The following SUSD6 variants were observed in gnomAD, a reference collection of about 807,000 sequenced individuals.
The protein encoded by SUSD6 is sushi domain-containing protein 6.
A neutral mutation model predicts 28.4 loss-of-function variants in SUSD6; 16 were observed. The observed-to-expected ratio is 0.56, with a 90% CI of 0.38 to 0.86. The LOEUF (loss-of-function observed/expected upper bound fraction) is 0.86, where lower values mean the gene tolerates loss of function less well. Ranked by LOEUF, SUSD6 falls within the 40% of genes least tolerant of loss-of-function variation. The pLI, the probability that SUSD6 is intolerant of heterozygous loss-of-function variation, is 0.00. For synonymous variants in SUSD6, 147 were observed against 159.6 expected, an observed-to-expected ratio of 0.92 and a Z score of 0.59; for missense variants, 341 against 384.2, an observed-to-expected ratio of 0.89 and a Z score of 0.94.
In SUSD6 at chr14:69,640,396, C is replaced by T. The variant is rs546616021; in HGVS notation, c.-80-18117C>T. 5.2e-4 allele frequency among the ~76,000 whole-genome samples: 79 copies of T among 152,142 alleles called. 1 individual carries two copies. In the East Asian group the frequency reaches 7.9e-3, roughly 15 times the overall value. ...TTGCCCAGGTTGGAGTGCAGTAGCA[C>T]AATCATAGCTTACTGTAACCTCGAA... is the stretch of plus-strand genomic sequence containing the variant. On this transcript the variant is annotated intron_variant, in intron 1 of 5. Coordinates refer to ENST00000342745, the MANE Select transcript of SUSD6 (RefSeq NM_014734.4).
At chr14:69,650,589 A>G (rs1209514789) in intron 1 of SUSD6, among the ~76,000 whole-genome samples, 1 of 152,202 alleles carries the variant, frequency 6.6e-6, no homozygotes, top group Non-Finnish European at 1.5e-5. Context: ...TCCTACCTTC[A>G]GGTCAGGAAC....
intron 1 of SUSD6, among the ~76,000 whole-genome samples, chr14:69,650,818 C>T (rs774113420): frequency 3.3e-5 from 5 of 152,026 alleles, no homozygotes; most frequent in African/African-American, 4.8e-5. Context: ...ACACTGTGTA[C>T]GGATAGTCCA....
In SUSD6 at chr14:69,623,036, G is replaced by A. The variant is rs1478215850; in HGVS notation, c.-81+11208G>A. On this transcript the variant is annotated intron_variant, in intron 1 of 5. Coordinates refer to ENST00000342745, the MANE Select transcript of SUSD6 (RefSeq NM_014734.4). ...GTAGTAGTGATGTTCAGTCAGCTGG[G>A]GTTCAAATGCTAAATCAGACACCGG... Among the ~76,000 whole-genome samples, 2 of 152,166 alleles carry A rather than the reference G, an allele frequency of 1.3e-5. 1 individual carries two copies. The highest frequency in any genetic ancestry group is 4.8e-5 in the African/African-American group (2 of 41,440).
intron 2 of SUSD6, among the ~76,000 whole-genome samples, chr14:69,696,317 GA>G (rs1477408514): frequency 6.6e-6 from 1 of 152,224 alleles, no homozygotes; most frequent in Non-Finnish European, 1.5e-5. Flanking sequence ...TGTAGAGAGA[GA>G]ACCCAGAAGA....
At chr14:69,629,905 C>T (rs1312834857) in intron 1 of SUSD6, among the ~76,000 whole-genome samples, 1 of 152,196 alleles carries the variant, frequency 6.6e-6, no homozygotes, top group African/African-American at 2.4e-5. Context: ...GCGGTTGAAC[C>T]AGTTCCTATT....
intron 1 of SUSD6, among the ~76,000 whole-genome samples, chr14:69,654,074 C>G (rs1885543390): frequency 6.6e-6 from 1 of 152,208 alleles, no homozygotes; most frequent in East Asian, 1.9e-4. Context: ...CCGTCTTAGG[C>G]TTCAGGATGG....
intron 2 of SUSD6, among the ~76,000 whole-genome samples, chr14:69,699,404 G>A (rs539197930): frequency 5.3e-5 from 8 of 152,010 alleles, no homozygotes; most frequent in African/African-American, 1.9e-4. Flanking sequence ...GGGATTCACC[G>A]TGTTGACCAC....
chr14:69,642,770 G>A (rs76401690), intron 1 of SUSD6, among the ~76,000 whole-genome samples: 82 of 152,092 alleles, frequency 5.4e-4, no homozygotes, highest in African/African-American at 1.9e-3. Context: ...CTGACTCTGA[G>A]TGAGTTCTAG....
chr14:69,685,707 G>A (rs1886063020), intron 2 of SUSD6, among the ~76,000 whole-genome samples: 1 of 152,160 alleles, frequency 6.6e-6, no homozygotes, highest in Non-Finnish European at 1.5e-5. Flanking sequence ...GAGAGTAAAG[G>A]GTCAAGAAAT....
intron 2 of SUSD6, among the ~76,000 whole-genome samples, chr14:69,685,804 C>T (rs1479957381): frequency 6.6e-6 from 1 of 152,186 alleles, no homozygotes; most frequent in East Asian, 1.9e-4. Context: ...TGCTTTTAAA[C>T]ATTTGTCATG....
At chr14:69,690,355 C>T (rs962117337) in intron 2 of SUSD6, among the ~76,000 whole-genome samples, 1 of 152,222 alleles carries the variant, frequency 6.6e-6, no homozygotes, top group Non-Finnish European at 1.5e-5. Context: ...AAGGCCAGTC[C>T]TAGACCTTCA....
At chr14:69,648,026 G>A (rs1298739688) in intron 1 of SUSD6, among the ~76,000 whole-genome samples, 1 of 152,256 alleles carries the variant, frequency 6.6e-6, no homozygotes, top group Admixed American at 6.5e-5. Flanking sequence ...AACCAGAGAA[G>A]CTCTTCAAGT....
intron 1 of SUSD6, among the ~76,000 whole-genome samples, chr14:69,619,793 A>C (rs920064179): frequency 7.9e-5 from 12 of 151,776 alleles, no homozygotes; most frequent in African/African-American, 2.2e-4. Flanking sequence ...ACAAAAAAAA[A>C]CCACCTGACC....
chr14:69,653,509 T>G (rs528699018), intron 1 of SUSD6, among the ~76,000 whole-genome samples: 1 of 152,204 alleles, frequency 6.6e-6, no homozygotes, highest in African/African-American at 2.4e-5. Flanking sequence ...ACTGAGTCAT[T>G]GAGGCCCTCT....
chr14:69,709,194 T>C (rs1886428568), intron 5 of SUSD6, 90 bp downstream of exon 5: 2 of 1,228,702 alleles, frequency 1.6e-6, no homozygotes, highest in Admixed American at 5.1e-5. Context: ...AAATAATTGG[T>C]ATATTTTTAG....
chr14:69,652,945 C>T lies in SUSD6; in HGVS notation c.-80-5568C>T, dbSNP rs867856891. 1.1e-4 allele frequency among the ~76,000 whole-genome samples: 17 copies of T among 152,290 alleles called. 1 individual carries two copies. In the South Asian group the frequency reaches 1.5e-3, roughly 13 times the overall value. On this transcript the variant is annotated intron_variant, in intron 1 of 5. Coordinates refer to ENST00000342745, the MANE Select transcript of SUSD6 (RefSeq NM_014734.4). ...TGGCTAAGACAATAAACATAAGCCC[C>T]AGGTGTTTCTAGTTTACAAAGCATT...
chr14:69,646,743 C>A (rs916897145), intron 1 of SUSD6, among the ~76,000 whole-genome samples: 1 of 138,452 alleles, frequency 7.2e-6, no homozygotes, highest in South Asian at 2.3e-4. Flanking sequence ...ACTCTGTCGC[C>A]CAGGCTGGAG....
intron 2 of SUSD6, among the ~76,000 whole-genome samples, chr14:69,693,935 C>T (rs1372263233): frequency 2.0e-5 from 3 of 152,214 alleles, no homozygotes; most frequent in Admixed American, 6.5e-5. Flanking sequence ...TGCTCTTTGC[C>T]GTTGTCTGTT....
intron 2 of SUSD6, among the ~76,000 whole-genome samples, chr14:69,679,844 C>T (rs1212359375): frequency 1.3e-5 from 2 of 152,074 alleles, no homozygotes; most frequent in South Asian, 2.1e-4. Flanking sequence ...TATATTTTCT[C>T]GTAGAAGTTT....
Sources: allele counts gnomAD v4.1 joint callset (sites outside exome capture counted in the v4.1 genomes callset), GRCh38; gene constraint gnomAD v4.1.1; transcripts MANE v1.5; gene names NCBI Gene and HGNC (gene_info 2026-07-23, HGNC 2026-07-21).